Variants in DCAF17 observed in about 807,000 individuals in gnomAD.
DCAF17 encodes DDB1- and CUL4-associated factor 17.
DCAF17 carries 48 observed loss-of-function variants against 66.0 expected under a neutral mutation model. That is an observed-to-expected ratio of 0.73 (90% CI 0.58 to 0.92). The LOEUF is 0.92. Among genes scored for constraint, DCAF17 ranks in the 40% least tolerant of loss-of-function variants. The pLI is 0.00. For missense variants in DCAF17, 562 were observed against 622.8 expected (o/e 0.90, Z 1.04); for synonymous variants, 206 against 214.6 (o/e 0.96, Z 0.35).
chr2:171,434,781 A>G, intron 1 of DCAF17, 78 bp downstream of exon 1: 1 of 1,388,088 alleles, frequency 7.2e-7, no homozygotes, highest in Non-Finnish European at 9.2e-7. Flanking sequence ...ATGCGGTTTT[A>G]ACGCGCTGGG....
intron 2 of DCAF17, among the ~76,000 whole-genome samples, chr2:171,442,579 A>G (rs1348676788): frequency 4.0e-5 from 6 of 150,828 alleles, no homozygotes; most frequent in East Asian, 3.9e-4. Flanking sequence ...AAAAAAAAAA[A>G]AAAAGAAAGA....
At chr2:171,439,511 CTTTTTT>C (rs374646610) in intron 2 of DCAF17, among the ~76,000 whole-genome samples, 2 of 94,774 alleles carry the variant, frequency 2.1e-5, no homozygotes, top group Non-Finnish European at 4.3e-5. Flanking sequence ...CTTTTTTTTC[CTTTTTT>C]TTTTTTTTTT....
Position 171,434,385 on chromosome 2 carries a change from C to A in DCAF17, c.-193C>A. 1.1e-6 allele frequency: 1 copy of A among 927,830 alleles called. No homozygotes were observed. Among genetic ancestry groups the A allele is most frequent in the Non-Finnish European group, 1.7e-6 (1 of 597,958 alleles). The allele number at this position is 927,830 out of a possible 1,614,324, so 57.5% of individuals were successfully genotyped here. ...TTCTTCCCTTCTCTCCGCGCTCTGGCGGTGCAAGCGGCTCTGCTTTCCCTC... is the reference window on the plus strand; with the variant it reads ...TTCTTCCCTTCTCTCCGCGCTCTGGAGGTGCAAGCGGCTCTGCTTTCCCTC... On this transcript the variant is annotated 5_prime_UTR_variant, in exon 1 of 14. Coordinates refer to ENST00000375255, the MANE Select transcript of DCAF17 (RefSeq NM_025000.4).
At chr2:171,446,027 G>A (rs1574333450) in intron 3 of DCAF17, among the ~76,000 whole-genome samples, 1 of 152,034 alleles carries the variant, frequency 6.6e-6, no homozygotes, top group East Asian at 1.9e-4. Flanking sequence ...ATAAGACGTT[G>A]TAGAATAAAT....
chr2:171,467,727 CAAAAAA>C (rs34238683), intron 8 of DCAF17, among the ~76,000 whole-genome samples: 1 of 68,744 alleles, frequency 1.5e-5, no homozygotes, highest in Non-Finnish European at 2.9e-5. Flanking sequence ...GAGACTGTCT[CAAAAAA>C]AAAAAAAAAA....
chr2:171,474,378 A>G (rs1004629806), intron 10 of DCAF17: 31 of 201,660 alleles, frequency 1.5e-4, no homozygotes, highest in Non-Finnish European at 2.0e-4. Flanking sequence ...GGCACACACA[A>G]CTCCCACAAA....
chr2:171,459,031 C>T (rs1695424727), intron 8 of DCAF17, among the ~76,000 whole-genome samples: 1 of 152,084 alleles, frequency 6.6e-6, no homozygotes, highest in Non-Finnish European at 1.5e-5. Context: ...ATCAACTGGC[C>T]AGGCATGGTG....
rs1174320892 is a variant in DCAF17 at position 171,478,627 on chromosome 2, A to G, written c.1266+557A>G. Among the ~76,000 whole-genome samples, 4 of 152,260 alleles carry G rather than the reference A, an allele frequency of 2.6e-5. No individual in the cohort carries two copies. The South Asian group carries it at 8.3e-4, about 31-fold the overall frequency. On this transcript the variant is annotated intron_variant, in intron 12 of 13. Transcript: ENST00000375255. ...TTTATGAAATCAACTGATAGTGATC[A>G]TGCTTTAAACATATAAACCATTGTG... is the stretch of plus-strand genomic sequence containing the variant.
intron 8 of DCAF17, among the ~76,000 whole-genome samples, chr2:171,461,461 T>C (rs1263375183): frequency 6.6e-6 from 1 of 151,980 alleles, no homozygotes; most frequent in East Asian, 1.9e-4. Context: ...TAAAATAAAA[T>C]TTAAAAATTG....
intron 8 of DCAF17, among the ~76,000 whole-genome samples, chr2:171,462,963 G>A (rs1695673349): frequency 6.6e-6 from 1 of 152,118 alleles, no homozygotes; most frequent in Admixed American, 6.5e-5. Flanking sequence ...TGGGCATAGT[G>A]GCTCATGCCT....
intron 5 of DCAF17, among the ~76,000 whole-genome samples, chr2:171,451,319 C>T (rs1348768120): frequency 6.6e-6 from 1 of 152,112 alleles, no homozygotes; most frequent in East Asian, 1.9e-4. Context: ...AACTTAACTG[C>T]ATGCCTTTTA....
In DCAF17 at chr2:171,484,166, G is replaced by A. The variant is rs1353669187; in HGVS notation, c.*3052G>A. The A allele has an allele frequency of 2.2e-6, 1 of 446,482 alleles. No individual in the cohort carries two copies. Among genetic ancestry groups the A allele is most frequent in the Admixed American group, 2.5e-5 (1 of 40,626 alleles). 27.7% of individuals were successfully genotyped at this position (446,482 alleles called of 1,614,324 possible). A position where few individuals can be genotyped will look rare whatever the true frequency, so the allele number is the denominator to read the frequency against. On this transcript the variant is annotated 3_prime_UTR_variant, in exon 14 of 14. Transcript: ENST00000375255. ...GTATTAGTAGTTTTCATATTATTTGGCTTCCATATTAATCATTTTTATATT... is the reference window on the plus strand; with the variant it reads ...GTATTAGTAGTTTTCATATTATTTGACTTCCATATTAATCATTTTTATATT...
At chr2:171,456,064 GT>G (rs1161953366) in intron 6 of DCAF17, among the ~76,000 whole-genome samples, 1 of 152,090 alleles carries the variant, frequency 6.6e-6, no homozygotes, top group Non-Finnish European at 1.5e-5. Context: ...TGCTTTTGGT[GT>G]TTTCATCATG....
At chr2:171,444,727 A>G (rs6741806) in intron 3 of DCAF17, among the ~76,000 whole-genome samples, 30,712 of 152,162 alleles carry the variant, frequency 0.2, 3,246 homozygotes, top group South Asian at 0.28. Context: ...TTTGAATCTG[A>G]TTGGCTGTCC....
At chr2:171,442,380 A>G (rs934724526) in intron 2 of DCAF17, among the ~76,000 whole-genome samples, 1 of 151,974 alleles carries the variant, frequency 6.6e-6, no homozygotes, top group Non-Finnish European at 1.5e-5. Context: ...AACATGGTGA[A>G]ACCCTGTCTC....
At chr2:171,476,341 G>T (rs1161547631) in intron 10 of DCAF17, among the ~76,000 whole-genome samples, 1 of 152,124 alleles carries the variant, frequency 6.6e-6, no homozygotes, top group Non-Finnish European at 1.5e-5. Context: ...AAAAAGAATA[G>T]TATTTTCAGT....
At chr2:171,442,003 TC>T (rs1179336397) in intron 2 of DCAF17, among the ~76,000 whole-genome samples, 11 of 152,092 alleles carry the variant, frequency 7.2e-5, no homozygotes, top group Non-Finnish European at 1.6e-4. Context: ...GTTTATAACT[TC>T]CTGCTTTAAC....
chr2:171,465,455 G>T (rs181735689), intron 8 of DCAF17, among the ~76,000 whole-genome samples: 41 of 152,150 alleles, frequency 2.7e-4, no homozygotes, highest in Admixed American at 2.4e-3. Flanking sequence ...TAGTTGAAAG[G>T]TTGAAACCGA....
At chr2:171,436,100 C>A (rs1003427363) in intron 2 of DCAF17, among the ~76,000 whole-genome samples, 1 of 152,172 alleles carries the variant, frequency 6.6e-6, no homozygotes, top group Non-Finnish European at 1.5e-5. Context: ...TCTTTTGTAA[C>A]TGGCTTTTTC....
Sources: gnomAD v4.1 joint callset for allele counts (sites outside exome capture counted in the v4.1 genomes callset) on GRCh38, gnomAD v4.1.1 for gene constraint, MANE v1.5 for transcripts, NCBI Gene and HGNC (gene_info 2026-07-23, HGNC 2026-07-21) for gene names.